The following B3GALT1 variants were observed in gnomAD, a reference collection of about 807,000 sequenced individuals.
The protein encoded by B3GALT1 is UDP-Gal:betaGlcNAc beta 1,3-galactosyltransferase, polypeptide 1.
B3GALT1 carries 10 observed loss-of-function variants against 23.2 expected under a neutral mutation model. The observed-to-expected ratio is 0.43, with a 90% confidence interval of 0.27 to 0.73. The LOEUF (loss-of-function observed/expected upper bound fraction) is 0.73. Among genes scored for constraint, B3GALT1 ranks in the 30% least tolerant of loss-of-function variants. B3GALT1 has a pLI of 0.21. For missense variants in B3GALT1, 299 were observed against 405.4 expected (o/e 0.74, Z 2.25); for synonymous variants, 156 against 141.5 (o/e 1.10, Z -0.73).
chr2:167,780,647 C>A (rs956088680), intron 3 of B3GALT1, among the ~76,000 whole-genome samples: 6 of 152,174 alleles, frequency 3.9e-5, no homozygotes, highest in African/African-American at 1.4e-4. Context: ...CATCATTGTC[C>A]TCTGGAGTTG....
chr2:167,709,413 A>G (rs1170387886), intron 3 of B3GALT1, among the ~76,000 whole-genome samples: 1 of 152,170 alleles, frequency 6.6e-6, no homozygotes, highest in African/African-American at 2.4e-5. Context: ...AAAGAAATAA[A>G]CCTTTAATAA....
In B3GALT1 at chr2:167,870,221, G is replaced by T. The variant is rs995317269; in HGVS notation, c.*201G>T. 6 of 517,308 alleles carry T rather than the reference G, an allele frequency of 1.2e-5. No homozygotes were observed. Among genetic ancestry groups the T allele is most frequent in the African/African-American group, 1.1e-4 (6 of 52,266 alleles). 32.0% of individuals were successfully genotyped at this position (517,308 alleles called of 1,614,324 possible). A position where few individuals can be genotyped will look rare whatever the true frequency, so the allele number is the denominator to read the frequency against. On this transcript the variant is annotated 3_prime_UTR_variant, in exon 5 of 5. Coordinates refer to ENST00000392690, the MANE Select transcript of B3GALT1 (RefSeq NM_020981.4). The stretch of plus-strand genomic sequence containing the variant: ...TAGAAACAATAAATGAGTTAGAAGG[G>T]CCAGATTTCATTCTCAGTCCCAGAG...
At chr2:167,759,729 G>A (rs975646225) in intron 3 of B3GALT1, among the ~76,000 whole-genome samples, 3 of 152,112 alleles carry the variant, frequency 2.0e-5, no homozygotes, top group African/African-American at 7.2e-5. Context: ...CTGATGGGGA[G>A]CCAGAGGCAA....
intron 1 of B3GALT1, among the ~76,000 whole-genome samples, chr2:167,318,100 G>T (rs1004826178): frequency 1.4e-4 from 22 of 151,994 alleles, no homozygotes; most frequent in Non-Finnish European, 2.8e-4. Flanking sequence ...GGCCGAGGCG[G>T]GTGGATCATG....
chr2:167,689,542 C>CAAG (rs894607594), intron 3 of B3GALT1, among the ~76,000 whole-genome samples: 7 of 152,050 alleles, frequency 4.6e-5, no homozygotes, highest in Non-Finnish European at 7.4e-5. Flanking sequence ...AGTCTTCAGG[C>CAAG]AAGGGGTGAA....
chr2:167,328,300 T>C (rs1481903648), intron 1 of B3GALT1, among the ~76,000 whole-genome samples: 1 of 152,216 alleles, frequency 6.6e-6, no homozygotes, highest in Non-Finnish European at 1.5e-5. Flanking sequence ...ACACTGGTGT[T>C]AGTTCATCTT....
intron 3 of B3GALT1, among the ~76,000 whole-genome samples, chr2:167,738,005 G>C (rs1033635940): frequency 9.9e-5 from 15 of 152,280 alleles, no homozygotes; most frequent in African/African-American, 3.6e-4. Context: ...CAAACCCCAA[G>C]ACTATCTGCT....
At chr2:167,565,624 T>C (rs1684145531) in intron 2 of B3GALT1, among the ~76,000 whole-genome samples, 1 of 152,154 alleles carries the variant, frequency 6.6e-6, no homozygotes, top group Admixed American at 6.5e-5. Context: ...AAAGGGCTAA[T>C]ATCCAGAATC....
intron 1 of B3GALT1, among the ~76,000 whole-genome samples, chr2:167,383,643 G>A (rs975229881): frequency 3.3e-5 from 5 of 152,110 alleles, no homozygotes; most frequent in Non-Finnish European, 5.9e-5. Context: ...TCTGAAACAC[G>A]CATCTAAGAA....
chr2:167,519,864 G>T (rs1024885949), intron 2 of B3GALT1, among the ~76,000 whole-genome samples: 4 of 152,042 alleles, frequency 2.6e-5, no homozygotes, highest in Non-Finnish European at 5.9e-5. Context: ...TTAAGGTTAA[G>T]AGTTTGAGAC....
At chr2:167,428,674 T>C (rs62194952) in intron 1 of B3GALT1, among the ~76,000 whole-genome samples, 2 of 151,860 alleles carry the variant, frequency 1.3e-5, no homozygotes, top group East Asian at 1.9e-4. Context: ...CGAGACTCCA[T>C]TTAAAAAAAA....
At chr2:167,435,504 C>T (rs978219919) in intron 1 of B3GALT1, among the ~76,000 whole-genome samples, 4 of 133,734 alleles carry the variant, frequency 3.0e-5, no homozygotes, top group East Asian at 2.3e-4. Flanking sequence ...AGTTAGGATG[C>T]GAGGAGAAAT....
At chr2:167,660,480 A>T (rs150410734) in intron 3 of B3GALT1, among the ~76,000 whole-genome samples, 1 of 152,102 alleles carries the variant, frequency 6.6e-6, no homozygotes, top group Non-Finnish European at 1.5e-5. Flanking sequence ...GTGAGGGAAG[A>T]TTCTATTATT....
intron 3 of B3GALT1, among the ~76,000 whole-genome samples, chr2:167,648,380 A>C (rs1574189262): frequency 2.6e-5 from 4 of 152,180 alleles, no homozygotes; most frequent in Admixed American, 2.6e-4. Flanking sequence ...TACACTAAAC[A>C]AAGTCCTTAC....
At chr2:167,803,055 C>A (rs915983002) in intron 3 of B3GALT1, among the ~76,000 whole-genome samples, 113 of 149,366 alleles carry the variant, frequency 7.6e-4, no homozygotes, top group African/African-American at 2.4e-3. Flanking sequence ...TTCATCACTG[C>A]TGACAATGTT....
At chr2:167,582,672 T>C (rs1430281268) in intron 2 of B3GALT1, among the ~76,000 whole-genome samples, 1 of 152,162 alleles carries the variant, frequency 6.6e-6, no homozygotes, top group East Asian at 1.9e-4. Flanking sequence ...ATCTAGTACA[T>C]TGGTTAGGAG....
chr2:167,564,396 G>T lies in B3GALT1; in HGVS notation c.-410+74119G>T, dbSNP rs1684105927. Among the ~76,000 whole-genome samples, 3 of 151,198 alleles carry T rather than the reference G, an allele frequency of 2.0e-5. No individual in the cohort carries two copies. The South Asian group carries it at 6.3e-4, about 32-fold the overall frequency. On this transcript the variant is annotated intron_variant, in intron 2 of 4. Transcript: ENST00000392690. Reference sequence around the variant, plus strand: ...TCTCCAGACTGGGCAGCCAGGCAGAGGGGCTCCCCACATCCCAGACGATGG... The same window carrying T: ...TCTCCAGACTGGGCAGCCAGGCAGATGGGCTCCCCACATCCCAGACGATGG...
chr2:167,304,786 C>T (rs1696524630), intron 1 of B3GALT1, among the ~76,000 whole-genome samples: 1 of 152,082 alleles, frequency 6.6e-6, no homozygotes, highest in Non-Finnish European at 1.5e-5. Context: ...CATAATCTGC[C>T]ATCAACAGGC....
chr2:167,763,266 G>T (rs1375659851), intron 3 of B3GALT1, among the ~76,000 whole-genome samples: 1 of 152,138 alleles, frequency 6.6e-6, no homozygotes, highest in Non-Finnish European at 1.5e-5. Context: ...AAGTATTCAT[G>T]AAAGTAAAGA....
Sources: gnomAD v4.1 joint callset for allele counts (sites outside exome capture counted in the v4.1 genomes callset) on GRCh38, gnomAD v4.1.1 for gene constraint, MANE v1.5 for transcripts, NCBI Gene and HGNC (gene_info 2026-07-23, HGNC 2026-07-21) for gene names.